Variants in ATG5 observed in about 807,000 individuals in gnomAD.
ATG5 encodes autophagy related 5.
In ATG5, 14 loss-of-function variants were observed where a neutral mutation model predicts 36.5. The observed-to-expected ratio is 0.38, with a 90% CI of 0.25 to 0.60. ATG5 has a LOEUF of 0.60. Among genes scored for constraint, ATG5 ranks in the 20% least tolerant of loss-of-function variants. The pLI, the probability that ATG5 is intolerant of heterozygous loss-of-function variation, is 0.60. For synonymous variants in ATG5, 95 were observed against 101.5 expected (o/e 0.94, Z 0.38); for missense variants, 195 against 326.7 (o/e 0.60, Z 3.11).
chr6:106,267,783 C>T (rs1281824987), intron 5 of ATG5, among the ~76,000 whole-genome samples: 1 of 152,092 alleles, frequency 6.6e-6, no homozygotes, highest in Non-Finnish European at 1.5e-5. Flanking sequence ...ACTGGCTAGC[C>T]ATATGCAGAA....
chr6:106,271,864 T>C (rs566183514), intron 5 of ATG5: 94 of 152,346 alleles, frequency 6.2e-4, no homozygotes, highest in African/African-American at 2.2e-3. Flanking sequence ...TTTTAAAAGC[T>C]ATGCATAGGA....
At chr6:106,288,675 A>T (rs1582657931) in intron 4 of ATG5, among the ~76,000 whole-genome samples, 1 of 152,352 alleles carries the variant, frequency 6.6e-6, no homozygotes, top group East Asian at 1.9e-4. Flanking sequence ...ATGCACTTGT[A>T]AGAAATGCAG....
At chr6:106,322,958 C>G (rs1389819191) in intron 1 of ATG5, among the ~76,000 whole-genome samples, 2 of 152,122 alleles carry the variant, frequency 1.3e-5, no homozygotes, top group Non-Finnish European at 2.9e-5. Context: ...CTCGCTCTGT[C>G]GCCCAGGCTG....
rs1775719911 is a variant in ATG5 at position 106,185,151 on chromosome 6, T to C, written c.*1389A>G. 1 of 152,714 alleles carries C rather than the reference T, an allele frequency of 6.5e-6. No individual in the cohort carries two copies. Among genetic ancestry groups the C allele is most frequent in the South Asian group, 2.1e-4 (1 of 4,832 alleles). 9.5% of individuals were successfully genotyped at this position (152,714 alleles called of 1,614,324 possible). The stretch of plus-strand genomic sequence containing the variant: ...GGTCTTTGACCAACTTTATCTAATT[T>C]TGTGAAGAAATGTGCTATTAATCAG... On this transcript the variant is annotated 3_prime_UTR_variant, in exon 8 of 8. Coordinates refer to ENST00000369076, the MANE Select transcript of ATG5 (RefSeq NM_004849.4).
intron 6 of ATG5, among the ~76,000 whole-genome samples, chr6:106,203,049 A>T (rs1001113900): frequency 6.6e-6 from 1 of 152,184 alleles, no homozygotes; most frequent in African/African-American, 2.4e-5. Flanking sequence ...TGTGAAGACA[A>T]AGCAAAAATA....
At chr6:106,296,201 G>GA (rs2114638111) in intron 3 of ATG5, among the ~76,000 whole-genome samples, 1 of 149,868 alleles carries the variant, frequency 6.7e-6, no homozygotes, top group African/African-American at 2.4e-5. Flanking sequence ...CCAAAGAACA[G>GA]AAAAAACTCA....
intron 6 of ATG5, among the ~76,000 whole-genome samples, chr6:106,247,469 A>C (rs911558345): frequency 1.3e-5 from 2 of 152,220 alleles, no homozygotes; most frequent in African/African-American, 4.8e-5. Flanking sequence ...CTGAAGACTC[A>C]CCATCCAAAA....
chr6:106,261,529 CT>C (rs1779017332), intron 5 of ATG5, among the ~76,000 whole-genome samples: 1 of 152,204 alleles, frequency 6.6e-6, no homozygotes, highest in Non-Finnish European at 1.5e-5. Flanking sequence ...TGAAACATAT[CT>C]GGCACAGCTG....
intron 2 of ATG5, among the ~76,000 whole-genome samples, chr6:106,310,814 G>A (rs1348035854): frequency 6.6e-6 from 1 of 152,060 alleles, no homozygotes; most frequent in African/African-American, 2.4e-5. Flanking sequence ...GTCCTTTAGT[G>A]CCTGGTTTAT....
chr6:106,248,023 C>T, intron 6 of ATG5, 127 bp downstream of exon 6: 1 of 638,494 alleles, frequency 1.6e-6, no homozygotes, highest in East Asian at 2.8e-5. Context: ...CTGAAAGACA[C>T]AGTTTGGAAA....
chr6:106,240,498 G>C (rs894601939), intron 6 of ATG5, among the ~76,000 whole-genome samples: 1 of 150,612 alleles, frequency 6.6e-6, no homozygotes, highest in Non-Finnish European at 1.5e-5. Context: ...AACTCACTAA[G>C]TGTGAGAGAA....
chr6:106,274,855 A>G, intron 5 of ATG5, among the ~76,000 whole-genome samples: 1 of 152,206 alleles, frequency 6.6e-6, no homozygotes, highest in East Asian at 1.9e-4. Flanking sequence ...AGGCTAACTG[A>G]TAGGCCAGCA....
intron 5 of ATG5, among the ~76,000 whole-genome samples, chr6:106,257,003 T>C (rs937697105): frequency 6.6e-6 from 1 of 152,226 alleles, no homozygotes; most frequent in Non-Finnish European, 1.5e-5. Flanking sequence ...AAACATTTTT[T>C]ATATCCTTAT....
intron 6 of ATG5, among the ~76,000 whole-genome samples, chr6:106,224,984 C>T (rs184341419): frequency 6.6e-6 from 1 of 152,274 alleles, no homozygotes; most frequent in East Asian, 1.9e-4. Flanking sequence ...CAAAAGAATA[C>T]AGGAGGCATG....
At chr6:106,228,885 G>T (rs570522809) in intron 6 of ATG5, among the ~76,000 whole-genome samples, 3 of 152,314 alleles carry the variant, frequency 2.0e-5, no homozygotes, top group African/African-American at 7.2e-5. Flanking sequence ...GGTCTGCCTG[G>T]AGCCAGCTTC....
chr6:106,272,556 A>T (rs75110695), intron 5 of ATG5, among the ~76,000 whole-genome samples: 9,068 of 152,214 alleles, frequency 0.06, 363 homozygotes, highest in South Asian at 0.13. Flanking sequence ...CACTCTCTCT[A>T]GCCCTTCCTC....
intron 6 of ATG5, among the ~76,000 whole-genome samples, chr6:106,203,112 T>C (rs2114361598): frequency 6.6e-6 from 1 of 152,332 alleles, no homozygotes; most frequent in Non-Finnish European, 1.5e-5. Flanking sequence ...ATTTTAGTAG[T>C]TTCATTATTT....
At chr6:106,298,028 G>C (rs193009988) in intron 3 of ATG5, among the ~76,000 whole-genome samples, 3 of 150,024 alleles carry the variant, frequency 2.0e-5, no homozygotes, top group Non-Finnish European at 4.4e-5. Flanking sequence ...GCAGTTGTGC[G>C]ATCTTGGCTC....
At chr6:106,316,334 GATT>G (rs1183262801) in intron 1 of ATG5, 68 bp from the exon 2 acceptor site, 9 of 480,966 alleles carry the variant, frequency 1.9e-5, no homozygotes, top group Non-Finnish European at 2.7e-5. Flanking sequence ...GAAAACAAAA[GATT>G]ATTTTAAAAA....
Sources: gnomAD v4.1 joint callset for allele counts (sites outside exome capture counted in the v4.1 genomes callset) on GRCh38, gnomAD v4.1.1 for gene constraint, MANE v1.5 for transcripts, NCBI Gene and HGNC (gene_info 2026-07-23, HGNC 2026-07-21) for gene names.